The following SLC1A1 variants were observed in gnomAD, a reference collection of about 807,000 sequenced individuals.
The protein encoded by SLC1A1 is excitatory amino acid transporter 3.
In SLC1A1, 43 loss-of-function variants were observed where a neutral mutation model predicts 53.3. That is an observed-to-expected ratio of 0.81 (90% CI 0.63 to 1.04). The LOEUF (loss-of-function observed/expected upper bound fraction) is 1.04, where lower values mean the gene tolerates loss of function less well. SLC1A1 is among the 50% of genes least tolerant of loss of function. The pLI, the probability that SLC1A1 is intolerant of heterozygous loss-of-function variation, is 0.00. For missense variants in SLC1A1, 748 were observed against 664.9 expected, an observed-to-expected ratio of 1.12 and a Z score of -1.37; for synonymous variants, 307 against 243.2, an observed-to-expected ratio of 1.26 and a Z score of -2.44.
chr9:4,576,343 C>T (rs561146612), intron 9 of SLC1A1, among the ~76,000 whole-genome samples: 17 of 152,352 alleles, frequency 1.1e-4, no homozygotes, highest in Non-Finnish European at 2.4e-4. Context: ...TATGGAATAA[C>T]TGGGAGCAGT....
At chr9:4,547,107 C>CATCA (rs1382274208) in intron 2 of SLC1A1, among the ~76,000 whole-genome samples, 28 of 152,212 alleles carry the variant, frequency 1.8e-4, no homozygotes, top group African/African-American at 6.8e-4. Flanking sequence ...CCACTCTTGA[C>CATCA]AGTCAATAAC....
At chr9:4,499,352 A>G (rs1431523988) in intron 1 of SLC1A1, among the ~76,000 whole-genome samples, 2 of 152,100 alleles carry the variant, frequency 1.3e-5, no homozygotes, top group African/African-American at 4.8e-5. Flanking sequence ...GCCATATATT[A>G]TGTATCTCCA....
chr9:4,505,386 T>A (rs541604669), intron 1 of SLC1A1, among the ~76,000 whole-genome samples: 1 of 152,116 alleles, frequency 6.6e-6, no homozygotes, highest in East Asian at 1.9e-4. Context: ...CAATATAGGG[T>A]CTTGTCTTTC....
chr9:4,503,700 G>A (rs1018422073), intron 1 of SLC1A1, among the ~76,000 whole-genome samples: 3 of 151,932 alleles, frequency 2.0e-5, no homozygotes, highest in African/African-American at 7.3e-5. Context: ...TAATATATGT[G>A]TTGCTGTGCT....
intron 1 of SLC1A1, among the ~76,000 whole-genome samples, chr9:4,542,092 T>A (rs1050852137): frequency 1.4e-5 from 2 of 141,832 alleles, no homozygotes; most frequent in African/African-American, 5.5e-5. Context: ...AGGGTCTCAG[T>A]GTGACATCCC....
At chr9:4,498,122 G>C (rs1323394113) in intron 1 of SLC1A1, among the ~76,000 whole-genome samples, 1 of 152,146 alleles carries the variant, frequency 6.6e-6, no homozygotes, top group South Asian at 2.1e-4. Context: ...CTTTATGACT[G>C]TATATTCATT....
intron 1 of SLC1A1, among the ~76,000 whole-genome samples, chr9:4,511,726 T>C (rs1388526703): frequency 6.6e-6 from 1 of 152,024 alleles, no homozygotes; most frequent in Non-Finnish European, 1.5e-5. Flanking sequence ...CCTGGGCCAG[T>C]GCAACAGGGC....
chr9:4,575,644 T>A (rs1820473558), intron 8 of SLC1A1, among the ~76,000 whole-genome samples: 1 of 152,016 alleles, frequency 6.6e-6, no homozygotes, highest in Middle Eastern at 3.2e-3. Context: ...CCTATCTGAG[T>A]CTTAAGAGGA....
chr9:4,539,418 G>A (rs907893300), intron 1 of SLC1A1, among the ~76,000 whole-genome samples: 4 of 152,298 alleles, frequency 2.6e-5, no homozygotes, highest in African/African-American at 7.2e-5. Context: ...AGACAAGGCT[G>A]TGGACTGGCA....
At chr9:4,538,191 A>G (rs1157910361) in intron 1 of SLC1A1, among the ~76,000 whole-genome samples, 2 of 152,186 alleles carry the variant, frequency 1.3e-5, no homozygotes, top group Non-Finnish European at 2.9e-5. Context: ...CATGTGCCCA[A>G]GGTGGTCAGG....
chr9:4,580,651 G>GTGTGTGTA (rs370378540), intron 10 of SLC1A1, among the ~76,000 whole-genome samples: 17,837 of 118,540 alleles, frequency 0.15, 1,936 homozygotes, highest in Non-Finnish European at 0.17. Flanking sequence ...GTGTGTGTGT[G>GTGTGTGTA]TATAAGGAAT....
At position 4,583,329 on chromosome 9, in the gene SLC1A1, C is replaced by G. The variant is rs1821278774; in HGVS notation, c.1328+157C>G. Among the ~76,000 whole-genome samples, 1 of 152,180 alleles carries G rather than the reference C, an allele frequency of 6.6e-6. No homozygotes were observed. The highest frequency in any genetic ancestry group is 6.5e-5 in the Admixed American group (1 of 15,282). On this transcript the variant is annotated intron_variant, in intron 11 of 11. Coordinates refer to ENST00000262352, the MANE Select transcript of SLC1A1 (RefSeq NM_004170.6). The surrounding 1 kb of genome is among the most constrained non-coding windows in gnomAD (Gnocchi z 4.6). ...CTGACCAGGCCATCTGATAACATGC[C>G]TAAAAATTAACTCCTCATAACGTGG...
intron 1 of SLC1A1, among the ~76,000 whole-genome samples, chr9:4,505,832 C>A (rs986629546): frequency 2.0e-5 from 3 of 151,606 alleles, no homozygotes; most frequent in African/African-American, 7.3e-5. Context: ...AATTTTTGTA[C>A]TTTTAGTTTT....
intron 10 of SLC1A1, among the ~76,000 whole-genome samples, chr9:4,582,811 C>T (rs1821222185): frequency 2.0e-5 from 3 of 152,278 alleles, no homozygotes; most frequent in East Asian, 1.9e-4. Context: ...TGCCATATCT[C>T]CGTCTGCAAG....
chr9:4,511,675 G>C (rs1821006745), intron 1 of SLC1A1, among the ~76,000 whole-genome samples: 1 of 151,862 alleles, frequency 6.6e-6, no homozygotes, highest in Non-Finnish European at 1.5e-5. Context: ...TAAGGCAAAG[G>C]TGTCCATTCT....
chr9:4,559,083 T>C (rs1014176275), intron 2 of SLC1A1, among the ~76,000 whole-genome samples: 3 of 152,252 alleles, frequency 2.0e-5, no homozygotes, highest in Middle Eastern at 3.2e-3. Context: ...AAATATGAGA[T>C]AGTGAACTTG....
chr9:4,498,044 C>T (rs72687838), intron 1 of SLC1A1, among the ~76,000 whole-genome samples: 5,029 of 152,226 alleles, frequency 0.033, 133 homozygotes, highest in South Asian at 0.06. Context: ...TAGTGGTATG[C>T]GTGCTGAGTA....
chr9:4,564,373 G>A lies in SLC1A1; in HGVS notation c.355G>A (p.Gly119Ser). ...GIVLVVSIKPGVTQKVGEIAR... is the reference protein window; with the variant it reads ...GIVLVVSIKPSVTQKVGEIAR... ...TGTGCTGGTGGTGAGCATCAAGCCT[G>A]GTGTCACCCAGAAAGTGGGTGAAAT... Residue 119 changes from glycine to serine, a missense_variant, in exon 4 of 12, where the codon GGT becomes AGT. Gly to Ser is a moderately conservative substitution (Grantham distance 56). Transcript: ENST00000262352. 2 of 1,613,566 alleles carry A rather than the reference G, an allele frequency of 1.2e-6. No individual in the cohort carries two copies. Among genetic ancestry groups the A allele is most frequent in the Non-Finnish European group, 1.7e-6 (2 of 1,179,706 alleles).
At chr9:4,538,069 C>A (rs535723407) in intron 1 of SLC1A1, among the ~76,000 whole-genome samples, 1 of 151,938 alleles carries the variant, frequency 6.6e-6, no homozygotes, top group Non-Finnish European at 1.5e-5. Context: ...TAGTTCAAGG[C>A]CTGACATATA....
Sources: gnomAD v4.1 joint callset for allele counts (sites outside exome capture counted in the v4.1 genomes callset) on GRCh38, gnomAD v4.1.1 for gene constraint, Gnocchi (gnomAD v3.1) non-coding constraint, MANE v1.5 for transcripts, NCBI Gene and HGNC (gene_info 2026-07-23, HGNC 2026-07-21) for gene names.